AGTPBP1: variants seen among roughly 807,000 people sequenced by gnomAD.
The protein encoded by AGTPBP1 is ATP/GTP binding carboxypeptidase 1.
AGTPBP1 carries 70 observed loss-of-function variants against 143.9 expected under a neutral mutation model. That is an observed-to-expected ratio of 0.49 (90% CI 0.40 to 0.59). AGTPBP1 has a LOEUF of 0.59. Ranked by LOEUF, AGTPBP1 falls within the 20% of genes least tolerant of loss-of-function variation. The probability of loss-of-function intolerance (pLI) is 0.00; values close to 1 mark genes in which losing one functional copy is unlikely to be tolerated. For synonymous variants in AGTPBP1, 463 were observed against 500.2 expected (o/e 0.93, Z 0.99); for missense variants, 1,229 against 1,464.5 (o/e 0.84, Z 2.62).
chr9:85,624,899 T>A (rs972305631), intron 14 of AGTPBP1, among the ~76,000 whole-genome samples: 3 of 152,236 alleles, frequency 2.0e-5, no homozygotes, highest in Admixed American at 6.5e-5. Flanking sequence ...TAAAACGTCA[T>A]AAAACAAGCA....
the AGTPBP1 span, among the ~76,000 whole-genome samples, chr9:85,759,212 T>G: frequency 6.6e-5 from 10 of 152,236 alleles, no homozygotes; most frequent in South Asian, 2.1e-3. Flanking sequence ...GACAGATCCA[T>G]GAGACAGAAA....
At chr9:85,600,776 G>C (rs935071039) in intron 17 of AGTPBP1, among the ~76,000 whole-genome samples, 2 of 152,136 alleles carry the variant, frequency 1.3e-5, no homozygotes, top group African/African-American at 4.8e-5. Flanking sequence ...CATTGGCACA[G>C]TTTTGAGAAC....
At chr9:85,777,534 C>A in the AGTPBP1 span, among the ~76,000 whole-genome samples, 1 of 152,198 alleles carries the variant, frequency 6.6e-6, no homozygotes, top group South Asian at 2.1e-4. Flanking sequence ...GCCCATTGGG[C>A]AATGACAGGG....
chr9:85,771,068 G>A, the AGTPBP1 span, among the ~76,000 whole-genome samples: 15 of 152,268 alleles, frequency 9.9e-5, no homozygotes, highest in East Asian at 1.7e-3. Flanking sequence ...AACTATATCC[G>A]TCTTTTCTCT....
chr9:85,706,292 A>G (rs1360455573), intron 2 of AGTPBP1, among the ~76,000 whole-genome samples: 1 of 150,542 alleles, frequency 6.6e-6, no homozygotes, highest in Non-Finnish European at 1.5e-5. Context: ...TGGGTGGATC[A>G]CAAGGTCAGG....
At chr9:85,640,393 C>T (rs1832386382) in intron 13 of AGTPBP1, among the ~76,000 whole-genome samples, 1 of 152,186 alleles carries the variant, frequency 6.6e-6, no homozygotes, top group East Asian at 1.9e-4. Flanking sequence ...ATTACATACG[C>T]TACAGAAATA....
intron 8 of AGTPBP1, among the ~76,000 whole-genome samples, chr9:85,669,145 T>C (rs887846435): frequency 4.0e-5 from 6 of 151,648 alleles, no homozygotes; most frequent in Non-Finnish European, 5.9e-5. Context: ...TACAAGATTG[T>C]AAAATTGGGT....
intron 9 of AGTPBP1, among the ~76,000 whole-genome samples, 172 bp downstream of exon 9, chr9:85,660,764 A>G (rs893649817): frequency 1.3e-5 from 2 of 152,160 alleles, no homozygotes; most frequent in Non-Finnish European, 2.9e-5. Flanking sequence ...ATAATATGGT[A>G]TTAGTTATGA....
At chr9:85,761,560 T>C in the AGTPBP1 span, among the ~76,000 whole-genome samples, 1 of 152,242 alleles carries the variant, frequency 6.6e-6, no homozygotes, top group Non-Finnish European at 1.5e-5. Flanking sequence ...CTGGGAAAAC[T>C]GGCTAGCCAT....
At chr9:85,584,606 T>C (rs1828486529) in intron 23 of AGTPBP1, among the ~76,000 whole-genome samples, 2 of 152,166 alleles carry the variant, frequency 1.3e-5, no homozygotes, top group Admixed American at 1.3e-4. Flanking sequence ...TTTGCTACTG[T>C]GAAATGTGAT....
At chr9:85,766,782 A>G in the AGTPBP1 span, among the ~76,000 whole-genome samples, 1 of 152,246 alleles carries the variant, frequency 6.6e-6, no homozygotes, top group African/African-American at 2.4e-5. Context: ...TCACTAGCAG[A>G]TGATCGAGAA....
intron 25 of AGTPBP1, among the ~76,000 whole-genome samples, chr9:85,573,529 G>C (rs1388949416): frequency 6.6e-6 from 1 of 151,996 alleles, no homozygotes; most frequent in South Asian, 2.1e-4. Context: ...CCGCCACCCC[G>C]TCTGGGAAGT....
intron 17 of AGTPBP1, among the ~76,000 whole-genome samples, chr9:85,606,051 A>G (rs1205387657): frequency 1.3e-5 from 2 of 152,062 alleles, no homozygotes; most frequent in African/African-American, 4.8e-5. Flanking sequence ...CCTATCAATA[A>G]CAATGAATGT....
At chr9:85,575,960 A>G (rs937347040) in intron 24 of AGTPBP1, among the ~76,000 whole-genome samples, 2 of 152,208 alleles carry the variant, frequency 1.3e-5, no homozygotes, top group African/African-American at 4.8e-5. Context: ...AAAAGCAAAT[A>G]AAGGTAACTG....
the AGTPBP1 span, among the ~76,000 whole-genome samples, chr9:85,804,085 G>T: frequency 6.6e-6 from 1 of 151,686 alleles, no homozygotes; most frequent in African/African-American, 2.4e-5. Context: ...TTCCACCTCT[G>T]ATTTCTGCTT....
rs563699721 is a variant in AGTPBP1, at chr9:85,649,499, T to C, written c.1088-3081A>G. Among the ~76,000 whole-genome samples, 7 of 152,288 alleles carry C rather than the reference T, an allele frequency of 4.6e-5. No homozygotes were observed. The South Asian group carries it at 1.4e-3, about 32-fold the overall frequency. Reference sequence around the variant, plus strand: ...AATTGATTTGCTTGGATTTTCTATATAGACAGTAATATCCTCCACAGATAC... The same window carrying C: ...AATTGATTTGCTTGGATTTTCTATACAGACAGTAATATCCTCCACAGATAC... On this transcript the variant is annotated intron_variant, in intron 11 of 25. Transcript: ENST00000357081.
rs1011078252 is a variant in AGTPBP1 at position 85,572,030 on chromosome 9, T to C, written c.3503+3285A>G. 9.1e-5 allele frequency among the ~76,000 whole-genome samples: 9 copies of C among 99,178 alleles called. 1 individual carries two copies. Among genetic ancestry groups the C allele is most frequent in the African/African-American group, 3.8e-4 (7 of 18,598 alleles). 65.1% of individuals were successfully genotyped at this position (99,178 alleles called of 152,430 possible). ...TTTTTTTTTTTTTTTTTTTTTTTTT[T>C]TTTTTTTTTTTTTTGAGGCACAGTT... On this transcript the variant is annotated intron_variant, in intron 25 of 25. Coordinates refer to ENST00000357081, the MANE Select transcript of AGTPBP1 (RefSeq NM_001330701.2).
At chr9:85,655,390 C>A in intron 10 of AGTPBP1, 70 bp from the exon 11 acceptor site, 1 of 1,263,332 alleles carries the variant, frequency 7.9e-7, no homozygotes, top group East Asian at 2.7e-5. Context: ...TACTTTAGTT[C>A]AAAAAGTGTC....
At chr9:85,555,248 A>G (rs1660241926) in intron 25 of AGTPBP1, among the ~76,000 whole-genome samples, 1 of 152,218 alleles carries the variant, frequency 6.6e-6, no homozygotes, top group South Asian at 2.1e-4. Context: ...GCTAAAAACC[A>G]GAAATAGAAA....
Sources: gnomAD v4.1 joint callset for allele counts (sites outside exome capture counted in the v4.1 genomes callset) on GRCh38, gnomAD v4.1.1 for gene constraint, MANE v1.5 for transcripts, NCBI Gene and HGNC (gene_info 2026-07-23, HGNC 2026-07-21) for gene names.